The following LYPD6 variants were observed in gnomAD, a reference collection of about 807,000 sequenced individuals.
LYPD6 encodes ly6/PLAUR domain-containing protein 6.
A neutral mutation model predicts 22.7 loss-of-function variants in LYPD6; 15 were observed. That is an observed-to-expected ratio of 0.66 (90% CI 0.44 to 1.02). The LOEUF is 1.02. LYPD6 is among the 50% of genes least tolerant of loss of function. The pLI is 0.00. For missense variants in LYPD6, 189 were observed against 208.4 expected (o/e 0.91, Z 0.57); for synonymous variants, 72 against 77.5 (o/e 0.93, Z 0.37).
chr2:149,467,903 G>A (rs1467767235), intron 3 of LYPD6, among the ~76,000 whole-genome samples: 2 of 151,966 alleles, frequency 1.3e-5, no homozygotes, highest in African/African-American at 4.8e-5. Context: ...GAGATCTCAA[G>A]CTTTCAGATT....
rs75646417 is a variant in LYPD6, at chr2:149,429,687, G to A, written c.-71-7951G>A. Among the ~76,000 whole-genome samples, 273 of 152,306 alleles carry A rather than the reference G, an allele frequency of 1.8e-3. 5 individuals carry two copies. In the East Asian group the frequency reaches 0.047, roughly 26 times the overall value. On this transcript the variant is annotated intron_variant, in intron 1 of 4. Coordinates refer to ENST00000334166, the MANE Select transcript of LYPD6 (RefSeq NM_194317.5). ...TTTTCTCTCATGATTTCTGTGGGTC[G>A]GGAATGTAAGAAGGGCTCAGCTAGG...
chr2:149,440,118 A>T, intron 2 of LYPD6: 1 of 153,792 alleles, frequency 6.5e-6, no homozygotes, highest in Non-Finnish European at 1.5e-5. Context: ...CCAAACAGTG[A>T]GGCTGAACAC....
chr2:149,363,504 A>T (rs1681607187), intron 1 of LYPD6, among the ~76,000 whole-genome samples: 1 of 152,170 alleles, frequency 6.6e-6, no homozygotes, highest in Admixed American at 6.5e-5. Context: ...TCATGTTCTC[A>T]TGTCACATAT....
intron 1 of LYPD6, among the ~76,000 whole-genome samples, chr2:149,346,038 T>C (rs900019207): frequency 6.6e-6 from 1 of 152,178 alleles, no homozygotes; most frequent in Non-Finnish European, 1.5e-5. Context: ...AGATGTCAAG[T>C]AGATATTTGA....
rs557698992 is a variant in LYPD6 at position 149,359,161 on chromosome 2, T to A, written c.-72+28439T>A. On this transcript the variant is annotated intron_variant, in intron 1 of 4. Transcript: ENST00000334166. Reference sequence around the variant, plus strand: ...ACATAAAACAGAAATGGAAAAAAAATTAACATTATATATGTCTGTCTTTGA... The same window carrying A: ...ACATAAAACAGAAATGGAAAAAAAAATAACATTATATATGTCTGTCTTTGA... 6.6e-5 allele frequency among the ~76,000 whole-genome samples: 10 copies of A among 152,204 alleles called. No homozygotes were observed. In the East Asian group the frequency reaches 1.9e-3, roughly 29 times the overall value.
At chr2:149,375,611 T>C (rs1425281869) in intron 1 of LYPD6, among the ~76,000 whole-genome samples, 1 of 152,234 alleles carries the variant, frequency 6.6e-6, no homozygotes, top group Non-Finnish European at 1.5e-5. Context: ...CTTTGTATAT[T>C]CTTGTTTCTC....
intron 1 of LYPD6, among the ~76,000 whole-genome samples, chr2:149,352,962 C>T (rs900062269): frequency 6.6e-6 from 1 of 152,180 alleles, no homozygotes; most frequent in Non-Finnish European, 1.5e-5. Context: ...GAGGCCTGTC[C>T]ACATGGAACA....
downstream of LYPD6, among the ~76,000 whole-genome samples, chr2:149,478,995 G>A (rs199615643): frequency 4.6e-5 from 7 of 152,148 alleles, no homozygotes; most frequent in East Asian, 1.4e-3. Flanking sequence ...AAAGACTTTT[G>A]TGCTCACTGA....
In LYPD6 at chr2:149,473,918, A is replaced by AT. The variant is rs1400101992; in HGVS notation, c.*3070dup. On this transcript the variant is annotated 3_prime_UTR_variant, in exon 5 of 5. Transcript: ENST00000334166. ...CTTTGTTAAATCAGGAAATATAAAA[A>AT]TTATGTGTGTATGTGTATGTATATA... 6.6e-6 allele frequency: 1 copy of AT among 152,188 alleles called. No individual in the cohort carries two copies. Among genetic ancestry groups the AT allele is most frequent in the Non-Finnish European group, 1.5e-5 (1 of 68,032 alleles). 9.4% of individuals were successfully genotyped at this position (152,188 alleles called of 1,614,324 possible).
chr2:149,414,144 G>T (rs1682912785), intron 1 of LYPD6, among the ~76,000 whole-genome samples: 2 of 152,266 alleles, frequency 1.3e-5, no homozygotes, highest in South Asian at 2.1e-4. Flanking sequence ...TTCAGTTAAA[G>T]AACTTGTACC....
At chr2:149,377,636 C>G (rs955475673) in intron 1 of LYPD6, among the ~76,000 whole-genome samples, 1 of 152,128 alleles carries the variant, frequency 6.6e-6, no homozygotes, top group Non-Finnish European at 1.5e-5. Flanking sequence ...AAAAGTTAGC[C>G]CGGTGTGGTG....
chr2:149,396,826 T>C (rs1682437534), intron 1 of LYPD6, among the ~76,000 whole-genome samples: 1 of 152,318 alleles, frequency 6.6e-6, no homozygotes. Flanking sequence ...AGTTAATATA[T>C]GCATTCTGGT....
chr2:149,485,596 A>G, the LYPD6 span, among the ~76,000 whole-genome samples: 3 of 152,188 alleles, frequency 2.0e-5, no homozygotes, highest in African/African-American at 4.8e-5. Context: ...TCTCCAGGTC[A>G]TGAAACCTGC....
intron 1 of LYPD6, among the ~76,000 whole-genome samples, chr2:149,346,693 A>G (rs1681262312): frequency 6.6e-6 from 1 of 152,108 alleles, no homozygotes; most frequent in Non-Finnish European, 1.5e-5. Context: ...TCTGTTATTA[A>G]AAACTAGTTT....
At chr2:149,434,700 C>T (rs924961963) in intron 1 of LYPD6, among the ~76,000 whole-genome samples, 2 of 152,182 alleles carry the variant, frequency 1.3e-5, no homozygotes, top group South Asian at 4.2e-4. Context: ...CCCATCCACT[C>T]CCACAGAGGC....
At chr2:149,420,184 C>CG (rs1410765042) in intron 1 of LYPD6, among the ~76,000 whole-genome samples, 2 of 152,154 alleles carry the variant, frequency 1.3e-5, no homozygotes, top group Non-Finnish European at 2.9e-5. Context: ...GATGTCAGGG[C>CG]GGGGGTCCCA....
At chr2:149,404,671 G>A (rs372734901) in intron 1 of LYPD6, among the ~76,000 whole-genome samples, 25 of 152,228 alleles carry the variant, frequency 1.6e-4, no homozygotes, top group East Asian at 1.2e-3. Flanking sequence ...CAATCATGTC[G>A]TCTGCAAACA....
At chr2:149,485,897 A>T in the LYPD6 span, among the ~76,000 whole-genome samples, 262 of 152,284 alleles carry the variant, frequency 1.7e-3, 1 homozygote, top group African/African-American at 6.0e-3. Context: ...GGAGCCACCT[A>T]ATCCCGCCAG....
chr2:149,365,578 A>G (rs1681645083), intron 1 of LYPD6, among the ~76,000 whole-genome samples: 1 of 151,940 alleles, frequency 6.6e-6, no homozygotes, highest in South Asian at 2.1e-4. Context: ...CTGTGTGCTC[A>G]TTTAGAATTC....
Sources: gnomAD v4.1 joint callset for allele counts (sites outside exome capture counted in the v4.1 genomes callset) on GRCh38, gnomAD v4.1.1 for gene constraint, MANE v1.5 for transcripts, NCBI Gene and HGNC (gene_info 2026-07-23, HGNC 2026-07-21) for gene names.